The following CSMD1 variants were observed in gnomAD, a reference collection of about 807,000 sequenced individuals.
The protein encoded by CSMD1 is CUB and Sushi multiple domains 1.
In CSMD1, 213 loss-of-function variants were observed where a neutral mutation model predicts 417.5. The observed-to-expected ratio is 0.51, with a 90% CI of 0.46 to 0.57. The LOEUF (loss-of-function observed/expected upper bound fraction) is 0.57, where lower values mean the gene tolerates loss of function less well. Ranked by LOEUF, CSMD1 falls within the 20% of genes least tolerant of loss-of-function variation. The pLI is 0.00. For missense variants in CSMD1, 6,923 were observed against 4,529.7 expected (o/e 1.53, Z -15.17); for synonymous variants, 2,862 against 1,736.8 (o/e 1.65, Z -16.11).
chr8:3,744,845 C>A (rs1335962478), intron 6 of CSMD1, among the ~76,000 whole-genome samples: 2 of 152,142 alleles, frequency 1.3e-5, no homozygotes, highest in Non-Finnish European at 2.9e-5. Flanking sequence ...AACATTAAGT[C>A]TGATAAATGC....
intron 2 of CSMD1, among the ~76,000 whole-genome samples, chr8:4,604,694 T>C (rs186705248): frequency 1.6e-4 from 25 of 152,270 alleles, no homozygotes; most frequent in African/African-American, 4.3e-4. Flanking sequence ...TGTCTCCTAC[T>C]TGGGAATGAT....
intron 37 of CSMD1, among the ~76,000 whole-genome samples, chr8:3,163,305 T>C (rs932765625): frequency 3.9e-5 from 6 of 152,164 alleles, no homozygotes; most frequent in African/African-American, 1.4e-4. Flanking sequence ...ACTTTAGTTC[T>C]TGTACTTCAC....
intron 12 of CSMD1, among the ~76,000 whole-genome samples, chr8:3,440,428 A>G (rs1814897315): frequency 6.6e-6 from 1 of 152,202 alleles, no homozygotes; most frequent in Non-Finnish European, 1.5e-5. Context: ...TATTTTAAAG[A>G]AATTGGGTGT....
At chr8:4,861,739 C>T (rs1802143802) in intron 1 of CSMD1, among the ~76,000 whole-genome samples, 1 of 151,828 alleles carries the variant, frequency 6.6e-6, no homozygotes, top group Non-Finnish European at 1.5e-5. Flanking sequence ...AAAGAATGTA[C>T]AAAGGATGTA....
intron 26 of CSMD1, among the ~76,000 whole-genome samples, chr8:3,239,018 C>A (rs553406939): frequency 5.9e-5 from 9 of 152,206 alleles, no homozygotes; most frequent in African/African-American, 2.2e-4. Flanking sequence ...TGGAATGAGA[C>A]TGGGGCCTAA....
chr8:4,170,074 G>C (rs1476067900), intron 3 of CSMD1, among the ~76,000 whole-genome samples: 1 of 151,722 alleles, frequency 6.6e-6, no homozygotes, highest in East Asian at 1.9e-4. Context: ...AGGAATTGTG[G>C]GTGAGTCAAA....
At chr8:3,734,219 G>C (rs534304525) in intron 6 of CSMD1, among the ~76,000 whole-genome samples, 2 of 152,324 alleles carry the variant, frequency 1.3e-5, no homozygotes, top group African/African-American at 4.8e-5. Flanking sequence ...ATTTCACGAT[G>C]AGAATGGGAG....
At chr8:2,989,559 A>T (rs547585955) in intron 54 of CSMD1, among the ~76,000 whole-genome samples, 105 of 152,330 alleles carry the variant, frequency 6.9e-4, no homozygotes, top group African/African-American at 2.5e-3. Flanking sequence ...AAGTTTAAAA[A>T]ACAAAGGCTA....
intron 10 of CSMD1, among the ~76,000 whole-genome samples, chr8:3,502,848 C>G (rs774468145): frequency 1.3e-5 from 2 of 152,084 alleles, no homozygotes; most frequent in African/African-American, 4.8e-5. Context: ...CCCTAACGTG[C>G]ACTATGGACT....
At chr8:4,568,590 T>C (rs73498681) in intron 2 of CSMD1, among the ~76,000 whole-genome samples, 2,040 of 152,248 alleles carry the variant, frequency 0.013, 48 homozygotes, top group African/African-American at 0.045. Flanking sequence ...TACGTGTGCA[T>C]GCATCTTCAT....
intron 2 of CSMD1, among the ~76,000 whole-genome samples, chr8:4,537,263 G>T (rs1340485761): frequency 1.3e-5 from 2 of 152,172 alleles, no homozygotes; most frequent in African/African-American, 4.8e-5. Flanking sequence ...GGTATTTTTA[G>T]AAATAAATTA....
At chr8:4,400,031 G>C (rs949559307) in intron 3 of CSMD1, among the ~76,000 whole-genome samples, 1 of 152,092 alleles carries the variant, frequency 6.6e-6, no homozygotes, top group Non-Finnish European at 1.5e-5. Flanking sequence ...GAGGTAGACA[G>C]ACACACACAT....
intron 6 of CSMD1, among the ~76,000 whole-genome samples, chr8:3,733,811 GT>G (rs1251639009): frequency 6.6e-6 from 1 of 152,092 alleles, no homozygotes; most frequent in Non-Finnish European, 1.5e-5. Context: ...TGTTAGAACT[GT>G]TTTTACTTTA....
intron 31 of CSMD1, among the ~76,000 whole-genome samples, chr8:3,202,633 T>A (rs1380182014): frequency 6.6e-6 from 1 of 152,240 alleles, no homozygotes; most frequent in Admixed American, 6.5e-5. Context: ...ACTACAATCA[T>A]TCTAAGCCAT....
intron 5 of CSMD1, among the ~76,000 whole-genome samples, chr8:3,934,054 A>C (rs1810323918): frequency 6.6e-6 from 1 of 152,176 alleles, no homozygotes; most frequent in African/African-American, 2.4e-5. Context: ...CTCTACACTG[A>C]GTATCAGTGA....
chr8:3,774,028 C>T (rs1269482136), intron 5 of CSMD1, among the ~76,000 whole-genome samples: 1 of 152,118 alleles, frequency 6.6e-6, no homozygotes, highest in African/African-American at 2.4e-5. Flanking sequence ...GCTATCCTAC[C>T]TATCTTTCAT....
At chr8:4,452,041 G>T (rs573918300) in intron 2 of CSMD1, among the ~76,000 whole-genome samples, 1 of 151,692 alleles carries the variant, frequency 6.6e-6, no homozygotes, top group Non-Finnish European at 1.5e-5. Context: ...CTCACCAGAG[G>T]GGTGGAAGAG....
intron 3 of CSMD1, among the ~76,000 whole-genome samples, chr8:4,150,342 C>G (rs544796990): frequency 6.6e-6 from 1 of 152,148 alleles, no homozygotes; most frequent in Non-Finnish European, 1.5e-5. Flanking sequence ...CTAACCCGTG[C>G]CATTCTAACT....
At chr8:3,225,536 G>A (rs1216951181) in intron 27 of CSMD1, among the ~76,000 whole-genome samples, 1 of 152,124 alleles carries the variant, frequency 6.6e-6, no homozygotes, top group African/African-American at 2.4e-5. Flanking sequence ...GGGAGCTGAT[G>A]CAGAGAAAGA....
Sources: gnomAD v4.1 joint callset for allele counts (sites outside exome capture counted in the v4.1 genomes callset) on GRCh38, gnomAD v4.1.1 for gene constraint, MANE v1.5 for transcripts, NCBI Gene and HGNC (gene_info 2026-07-23, HGNC 2026-07-21) for gene names.